The following ATAD2 variants were observed in gnomAD, a reference collection of about 807,000 sequenced individuals.
The protein encoded by ATAD2 is ATPase family AAA domain containing 2.
Under a neutral mutation model 168.9 loss-of-function variants are expected in ATAD2, and 62 were observed. That is an observed-to-expected ratio of 0.37 (90% CI 0.30 to 0.45). The LOEUF is 0.45. Ranked by LOEUF, ATAD2 falls within the 20% of genes least tolerant of loss-of-function variation. The pLI is 1.00. For missense variants in ATAD2, 1,419 were observed against 1,667.8 expected, an observed-to-expected ratio of 0.85 and a Z score of 2.60; for synonymous variants, 613 against 571.6, an observed-to-expected ratio of 1.07 and a Z score of -1.03.
At chr8:123,375,802 A>T (rs1040611868) in intron 2 of ATAD2, among the ~76,000 whole-genome samples, 1 of 151,276 alleles carries the variant, frequency 6.6e-6, no homozygotes, top group African/African-American at 2.4e-5. Flanking sequence ...GAAACTCCAT[A>T]TCTACTAAAA....
At chr8:123,357,537 G>T in intron 12 of ATAD2, 25 bp downstream of exon 12, 1 of 1,591,852 alleles carries the variant, frequency 6.3e-7, no homozygotes, top group Non-Finnish European at 8.6e-7. Flanking sequence ...GAACTATCCA[G>T]ATATATAAAA....
At chr8:123,332,182 T>C (rs1196740567) in intron 24 of ATAD2, among the ~76,000 whole-genome samples, 1 of 152,216 alleles carries the variant, frequency 6.6e-6, no homozygotes, top group Admixed American at 6.5e-5. Context: ...TGATTCAATC[T>C]GCAAGTTTTT....
At position 123,368,716 on chromosome 8, in the gene ATAD2, C is replaced by T. The variant is rs550897124; in HGVS notation, c.1049+342G>A. Among the ~76,000 whole-genome samples the T allele has an allele frequency of 1.4e-4, 21 of 152,246 alleles. 1 individual carries two copies. The highest frequency in any genetic ancestry group is 4.6e-4 in the African/African-American group (19 of 41,544). ...AGAAAAGACTAAACCTATATTCTAA[C>T]TTAATGTGAAGATTAAATGAAACAA... On this transcript the variant is annotated intron_variant, in intron 8 of 27. Transcript: ENST00000287394.
chr8:123,327,223 A>C (rs1827638906), intron 25 of ATAD2, among the ~76,000 whole-genome samples: 1 of 152,202 alleles, frequency 6.6e-6, no homozygotes, highest in Non-Finnish European at 1.5e-5. Flanking sequence ...GACTTTTCTA[A>C]GGATATACAT....
At chr8:123,359,761 A>C (rs1828756574) in intron 9 of ATAD2, 76 bp from the exon 10 acceptor site, 3 of 986,210 alleles carry the variant, frequency 3.0e-6, no homozygotes, top group Middle Eastern at 6.1e-4. Context: ...TTTGAATATA[A>C]ACATTTAAGT....
At chr8:123,340,255 A>G (rs1214659037) in intron 19 of ATAD2, among the ~76,000 whole-genome samples, 1 of 152,194 alleles carries the variant, frequency 6.6e-6, no homozygotes, top group Non-Finnish European at 1.5e-5. Context: ...AGATATAAGA[A>G]AGAGCAACTG....
chr8:123,413,901 C>T lies in ATAD2; in HGVS notation c.-2282+2347G>A, dbSNP rs115831342. Reference sequence around the variant, plus strand: ...AAGACACTCAGTGACAAGAGTATGGCGGCGGGGAGGGTGGCCGAGGCGGGC... The same window carrying T: ...AAGACACTCAGTGACAAGAGTATGGTGGCGGGGAGGGTGGCCGAGGCGGGC... On this transcript the variant is annotated intron_variant, in intron 1 of 28. Coordinates refer to the ATAD2 transcript ENST00000521903. Among the ~76,000 whole-genome samples the T allele has an allele frequency of 3.0e-3, 452 of 151,774 alleles. 4 individuals carry two copies. The highest frequency in any genetic ancestry group is 0.01 in the African/African-American group (429 of 41,378).
intron 1 of ATAD2, among the ~76,000 whole-genome samples, chr8:123,389,984 A>ATATT (rs1232318597): frequency 0.012 from 1,400 of 115,098 alleles, 40 homozygotes; most frequent in African/African-American, 0.044. Flanking sequence ...ATATATATAT[A>ATATT]TTTTTTTTTT....
intron 2 of ATAD2, among the ~76,000 whole-genome samples, chr8:123,375,459 G>A (rs58737815): frequency 0.024 from 3,677 of 152,234 alleles, 139 homozygotes; most frequent in African/African-American, 0.083. Flanking sequence ...GGAAAAGTAT[G>A]CTACTTCCTC....
chr8:123,333,003 C>T (rs1165769747), intron 24 of ATAD2, among the ~76,000 whole-genome samples: 2 of 151,710 alleles, frequency 1.3e-5, no homozygotes, highest in African/African-American at 2.4e-5. Flanking sequence ...ATCAATTACC[C>T]GAGGATGGAC....
rs760071061 is a variant in ATAD2 at position 123,348,196 on chromosome 8, T to C, written c.1884A>G (p.Ala628=). The C allele has an allele frequency of 6.3e-7, 1 of 1,592,404 alleles. No individual in the cohort carries two copies. The highest frequency in any genetic ancestry group is 8.5e-7 in the Non-Finnish European group (1 of 1,171,672). Residue 628 remains alanine (A), a synonymous_variant, in exon 15 of 28, where the codon GCA becomes GCG. Coordinates refer to ENST00000287394, the MANE Select transcript of ATAD2 (RefSeq NM_014109.4). ...KPLDTFLEEL[A]ENCVGYCGAD... Reference sequence around the variant, plus strand: ...AACAATGTTTACCAACACAGTTTTCTGCTAGCTCTTCTAAAAATGTGTCCA... The same window carrying C: ...AACAATGTTTACCAACACAGTTTTCCGCTAGCTCTTCTAAAAATGTGTCCA...
intron 8 of ATAD2, among the ~76,000 whole-genome samples, chr8:123,365,540 C>G (rs1447268509): frequency 6.6e-6 from 1 of 152,080 alleles, no homozygotes; most frequent in African/African-American, 2.4e-5. Context: ...GCTATAAGGC[C>G]ATAGTCACCA....
chr8:123,412,632 G>T (rs1459227116), intron 1 of ATAD2, among the ~76,000 whole-genome samples: 2 of 151,506 alleles, frequency 1.3e-5, no homozygotes, highest in African/African-American at 4.8e-5. Flanking sequence ...ACAGGGTCTT[G>T]CTGTGTTGCT....
At chr8:123,392,548 A>G (rs1812629420) in intron 1 of ATAD2, among the ~76,000 whole-genome samples, 1 of 151,734 alleles carries the variant, frequency 6.6e-6, no homozygotes, top group Non-Finnish European at 1.5e-5. Context: ...TGAGTTATTT[A>G]TTTGTACAAT....
Position 123,383,819 on chromosome 8 carries a change from C to T in ATAD2, c.172-3142G>A, listed in dbSNP as rs181502851. On this transcript the variant is annotated intron_variant, in intron 1 of 27. Coordinates refer to ENST00000287394, the MANE Select transcript of ATAD2 (RefSeq NM_014109.4). ...AATGACTAGGCCAGGCGTGGTAGCT[C>T]ACGCCTGTAATCCCAACACTTTGGG... is the stretch of plus-strand genomic sequence containing the variant. Among the ~76,000 whole-genome samples, 1,169 of 151,240 alleles carry T rather than the reference C, an allele frequency of 7.7e-3. 9 individuals carry two copies. The highest frequency in any genetic ancestry group is 0.012 in the Non-Finnish European group (809 of 67,876).
chr8:123,348,092 A>C (rs1188120653), intron 15 of ATAD2, 91 bp downstream of exon 15: 1 of 1,084,710 alleles, frequency 9.2e-7, no homozygotes, highest in African/African-American at 1.7e-5. Context: ...ACAGGCAAAA[A>C]CCACAATTAC....
At chr8:123,325,824 TA>T in intron 26 of ATAD2, 68 bp downstream of exon 26, 1 of 1,556,906 alleles carries the variant, frequency 6.4e-7, no homozygotes, top group Admixed American at 1.8e-5. Flanking sequence ...AGAATGCTAC[TA>T]GTCACAAGCC....
chr8:123,321,546 A>ATTTTTGTAT (rs1827467543), intron 27 of ATAD2, among the ~76,000 whole-genome samples: 1 of 151,830 alleles, frequency 6.6e-6, no homozygotes, highest in African/African-American at 2.4e-5. Context: ...AATGGTTATC[A>ATTTTTGTAT]TTTTTATATT....
At chr8:123,384,971 G>C (rs1197147758) in intron 1 of ATAD2, among the ~76,000 whole-genome samples, 1 of 152,140 alleles carries the variant, frequency 6.6e-6, no homozygotes, top group Non-Finnish European at 1.5e-5. Context: ...TCCCATTCAA[G>C]TGTTGTCTAC....
Sources: gnomAD v4.1 joint callset for allele counts (sites outside exome capture counted in the v4.1 genomes callset) on GRCh38, gnomAD v4.1.1 for gene constraint, MANE v1.5 for transcripts, NCBI Gene and HGNC (gene_info 2026-07-23, HGNC 2026-07-21) for gene names.